The following CLIP2 variants were observed in gnomAD, a reference collection of about 807,000 sequenced individuals.
The protein encoded by CLIP2 is CAP-Gly domain containing linker protein 2, also known as CAP-Gly domain-containing linker protein 2.
CLIP2 carries 41 observed loss-of-function variants against 111.7 expected under a neutral mutation model. That is an observed-to-expected ratio of 0.37 (90% CI 0.29 to 0.48). CLIP2 has a LOEUF of 0.48. CLIP2 is among the 20% of genes least tolerant of loss of function. The pLI is 0.99. For missense variants in CLIP2, 1,160 were observed against 1,422.1 expected, an observed-to-expected ratio of 0.82 and a Z score of 2.96; for synonymous variants, 660 against 644.2, an observed-to-expected ratio of 1.02 and a Z score of -0.37.
chr7:74,347,574 G>A (rs1357652601), intron 3 of CLIP2, among the ~76,000 whole-genome samples: 5 of 151,990 alleles, frequency 3.3e-5, no homozygotes, highest in African/African-American at 1.2e-4. Context: ...GGCCAAACGC[G>A]CTGTACTCTA....
At chr7:74,294,224 G>T (rs942631016) in intron 1 of CLIP2, among the ~76,000 whole-genome samples, 1 of 152,176 alleles carries the variant, frequency 6.6e-6, no homozygotes, top group Non-Finnish European at 1.5e-5. Context: ...GAGCCACTGC[G>T]CCCAGCCAGA....
At chr7:74,346,942 G>A (rs1469232851) in intron 3 of CLIP2, among the ~76,000 whole-genome samples, 1 of 152,104 alleles carries the variant, frequency 6.6e-6, no homozygotes, top group African/African-American at 2.4e-5. Context: ...AGGAGGCTGA[G>A]GAGGGAGGAC....
chr7:74,326,067 C>T (rs1289303057), intron 2 of CLIP2, among the ~76,000 whole-genome samples: 4 of 151,874 alleles, frequency 2.6e-5, no homozygotes, highest in East Asian at 1.9e-4. Context: ...GGTGAAACCT[C>T]GTCTCTACTA....
At chr7:74,327,391 C>T (rs1242749691) in intron 2 of CLIP2, among the ~76,000 whole-genome samples, 2 of 152,204 alleles carry the variant, frequency 1.3e-5, no homozygotes, top group Non-Finnish European at 2.9e-5. Flanking sequence ...GCGTGAGCCA[C>T]TTCACTCGGT....
intron 2 of CLIP2, among the ~76,000 whole-genome samples, chr7:74,321,823 G>A (rs1788962178): frequency 6.6e-6 from 1 of 151,738 alleles, no homozygotes; most frequent in Non-Finnish European, 1.5e-5. Context: ...TATAAAGTCT[G>A]CAGTAGTGTA....
chr7:74,289,927 C>G (rs1787962822), intron 1 of CLIP2, among the ~76,000 whole-genome samples, 193 bp downstream of exon 1: 1 of 152,146 alleles, frequency 6.6e-6, no homozygotes, highest in Non-Finnish European at 1.5e-5. Context: ...CCCCAACTTC[C>G]CCGTTGCTTG....
At position 74,315,248 on chromosome 7, in the gene CLIP2, C is replaced by G. The variant is rs546613520; in HGVS notation, c.-67-2232C>G. Among the ~76,000 whole-genome samples, 134 of 152,178 alleles carry G rather than the reference C, an allele frequency of 8.8e-4. 2 individuals carry two copies. The South Asian group carries it at 0.027, about 30-fold the overall frequency. On this transcript the variant is annotated intron_variant, in intron 1 of 16. Coordinates refer to ENST00000223398, the MANE Select transcript of CLIP2 (RefSeq NM_003388.5). The stretch of plus-strand genomic sequence containing the variant: ...CCGAGATGCTGTCACTGCGCTCTAG[C>G]CTGGGCGAGAGAGCGAGAGTCCGTC...
At position 74,397,093 on chromosome 7, in the gene CLIP2, G is replaced by T; in HGVS notation, c.2740G>T (p.Val914Leu). ...CCCCAGGAGCCTGAACGAACTGCGG[G>T]TGTTGCTGCTGGAGGCCAATCGTCA... ...RKERSLNELRVLLLEANRHSP... is the reference protein window; with the variant it reads ...RKERSLNELRLLLLEANRHSP... Residue 914 changes from valine to leucine, a missense_variant, in exon 14 of 17, where the codon GTG becomes TTG. Coordinates refer to ENST00000223398, the MANE Select transcript of CLIP2 (RefSeq NM_003388.5). The T allele has an allele frequency of 6.2e-7, 1 of 1,613,804 alleles. No homozygotes were observed. Among genetic ancestry groups the T allele is most frequent in the Non-Finnish European group, 8.5e-7 (1 of 1,179,944 alleles).
intron 12 of CLIP2, among the ~76,000 whole-genome samples, chr7:74,387,139 T>C (rs1278774626): frequency 1.3e-5 from 2 of 152,084 alleles, no homozygotes; most frequent in Non-Finnish European, 2.9e-5. Flanking sequence ...CCCGCCAGCT[T>C]CTGTCCCCAG....
chr7:74,312,737 T>C (rs1465641592), intron 1 of CLIP2, among the ~76,000 whole-genome samples: 2 of 151,986 alleles, frequency 1.3e-5, no homozygotes, highest in African/African-American at 4.8e-5. Flanking sequence ...TTAGCAGCCC[T>C]GAGGGCCAGG....
chr7:74,296,528 G>A (rs782492682), intron 1 of CLIP2, among the ~76,000 whole-genome samples: 8 of 151,426 alleles, frequency 5.3e-5, no homozygotes, highest in African/African-American at 7.3e-5. Context: ...GGTGGCTCAC[G>A]CCTGTAATCC....
chr7:74,366,875 CAA>C (rs35336151), intron 8 of CLIP2, among the ~76,000 whole-genome samples: 964 of 66,052 alleles, frequency 0.015, 4 homozygotes, highest in African/African-American at 0.057. Flanking sequence ...GACTCCTTCT[CAA>C]AAAAAAAAAA....
intron 1 of CLIP2, among the ~76,000 whole-genome samples, chr7:74,308,035 G>A (rs144468242): frequency 1.1e-3 from 168 of 152,292 alleles, no homozygotes; most frequent in Non-Finnish European, 1.9e-3. Context: ...GTGGCATGAC[G>A]AAGACAGACA....
At chr7:74,401,378 G>A (rs1584397814) in intron 15 of CLIP2, 127 bp from the exon 16 acceptor site, 7 of 824,476 alleles carry the variant, frequency 8.5e-6, no homozygotes, top group Non-Finnish European at 2.0e-6. Flanking sequence ...GGTGCTGGGA[G>A]CCCCAGGCTG....
At chr7:74,394,327 C>T (rs538694731) in intron 13 of CLIP2, among the ~76,000 whole-genome samples, 9 of 150,554 alleles carry the variant, frequency 6.0e-5, no homozygotes, top group Non-Finnish European at 1.2e-4. Flanking sequence ...CTCTGCTCAC[C>T]GCAACCTCTG....
chr7:74,361,167 C>T (rs1280436705), intron 7 of CLIP2, among the ~76,000 whole-genome samples: 1 of 116,886 alleles, frequency 8.6e-6, no homozygotes, highest in Admixed American at 8.6e-5. Context: ...TCCCTCCCTC[C>T]CTCCCTTCTT....
chr7:74,347,582 C>CT lies in CLIP2; in HGVS notation c.679-6297dup, dbSNP rs141806836. ...CGCGTCCGGCCAAACGCGCTGTACT[C>CT]TAAGTCCCCCTTACCCCCACGCGGC... On this transcript the variant is annotated intron_variant, in intron 3 of 16. Transcript: ENST00000223398. 4.4e-3 allele frequency among the ~76,000 whole-genome samples: 672 copies of CT among 152,260 alleles called. 25 individuals carry two copies. In the East Asian group the frequency reaches 0.094, roughly 21 times the overall value.
rs58844348 is a variant in CLIP2, at chr7:74,331,205, CAAAAAAAAAAAAA to C, written c.122-7225_122-7213del. Among the ~76,000 whole-genome samples, 6 of 59,956 alleles carry C rather than the reference CAAAAAAAAAAAAA, an allele frequency of 1.0e-4. No homozygotes were observed. The South Asian group carries it at 4.1e-3, about 41-fold the overall frequency. 39.3% of individuals were successfully genotyped at this position (59,956 alleles called of 152,430 possible). On this transcript the variant is annotated intron_variant, in intron 2 of 16. Transcript: ENST00000223398. Reference sequence around the variant, plus strand: ...TGAGCGACAGAGTGAGACTCCATCTCAAAAAAAAAAAAAAAAAAAAAAAAAAAAAATTCAGGTG... The same window carrying C: ...TGAGCGACAGAGTGAGACTCCATCTCAAAAAAAAAAAAAAAAATTCAGGTG...
At chr7:74,339,283 T>A (rs1324236638) in intron 3 of CLIP2, among the ~76,000 whole-genome samples, 2 of 149,748 alleles carry the variant, frequency 1.3e-5, no homozygotes, top group Non-Finnish European at 3.0e-5. Context: ...GATATTTATT[T>A]ATTTACTTAT....
Sources: allele counts gnomAD v4.1 joint callset (sites outside exome capture counted in the v4.1 genomes callset), GRCh38; gene constraint gnomAD v4.1.1; transcripts MANE v1.5; gene names NCBI Gene and HGNC (gene_info 2026-07-23, HGNC 2026-07-21).